Variants in NAV3 observed in about 807,000 individuals in gnomAD.
The protein encoded by NAV3 is neuron navigator 3.
In NAV3, 87 loss-of-function variants were observed where a neutral mutation model predicts 244.7. The ratio of observed to expected loss-of-function variants is 0.36; its 90% CI spans 0.30 to 0.42. NAV3 has a LOEUF of 0.42. Ranked by LOEUF, NAV3 falls within the 20% of genes least tolerant of loss-of-function variation. The pLI is 1.00. For synonymous variants in NAV3, 1,126 were observed against 1,042.2 expected (o/e 1.08, Z -1.55); for missense variants, 2,663 against 2,893.3 (o/e 0.92, Z 1.83).
chr12:77,752,522 G>A (rs142125599), intron 2 of NAV3, among the ~76,000 whole-genome samples: 1 of 152,178 alleles, frequency 6.6e-6, no homozygotes, highest in Non-Finnish European at 1.5e-5. Flanking sequence ...GGAATGCAGA[G>A]CAATCAGGAC....
rs141938411 is a variant in NAV3 at position 78,050,734 on chromosome 12, G to A, written c.2133-30G>A. 4.2e-5 allele frequency: 65 copies of A among 1,559,858 alleles called. 1 individual carries two copies. The African/African-American group carries it at 6.6e-4, about 16-fold the overall frequency. On this transcript the variant is annotated intron_variant, in intron 10 of 39. Coordinates refer to ENST00000397909, the MANE Select transcript of NAV3 (RefSeq NM_001024383.2). ...AGATTATGGCCCTAAGTGAACCAGA[G>A]TATAGTTATTTCTCCATTTTATTTG...
chr12:78,019,794 G>A (rs1451022737), intron 8 of NAV3, among the ~76,000 whole-genome samples: 2 of 152,078 alleles, frequency 1.3e-5, no homozygotes, highest in East Asian at 3.9e-4. Flanking sequence ...ACCCAACCAT[G>A]CAAGACCTTG....
rs3809153 is a variant in NAV3 at position 78,125,851 on chromosome 12, A to G, written c.4239-1316A>G. Among the ~76,000 whole-genome samples, 95 of 152,278 alleles carry G rather than the reference A, an allele frequency of 6.2e-4. No individual in the cohort carries two copies. In the East Asian group the frequency reaches 6.6e-3, roughly 11 times the overall value. On this transcript the variant is annotated intron_variant, in intron 16 of 39. Coordinates refer to ENST00000397909, the MANE Select transcript of NAV3 (RefSeq NM_001024383.2). ...CATTAAATTGCTCTTCATCATATAA[A>G]TATATAATTTTTATACAACTGGATG...
At chr12:77,894,221 C>G (rs1056288681) in intron 1 of NAV3, among the ~76,000 whole-genome samples, 1 of 152,068 alleles carries the variant, frequency 6.6e-6, no homozygotes, top group African/African-American at 2.4e-5. Context: ...GTCACCACCC[C>G]CCACCCCAGC....
At chr12:78,016,958 C>T (rs1439634733) in intron 8 of NAV3, among the ~76,000 whole-genome samples, 1 of 152,002 alleles carries the variant, frequency 6.6e-6, no homozygotes. Flanking sequence ...ACCTCAAATG[C>T]AGTAAAATAC....
chr12:77,903,364 G>C (rs896462818), intron 1 of NAV3, among the ~76,000 whole-genome samples: 3 of 152,134 alleles, frequency 2.0e-5, no homozygotes, highest in Non-Finnish European at 2.9e-5. Context: ...TCTGATCTTT[G>C]ACAAACCTGT....
At chr12:78,198,974 C>G in intron 36 of NAV3, 1 of 423,268 alleles carries the variant, frequency 2.4e-6, no homozygotes. Flanking sequence ...TTTTTCTGTT[C>G]ACTATGTCCC....
At chr12:77,896,807 G>A (rs1884678222) in intron 1 of NAV3, among the ~76,000 whole-genome samples, 1 of 152,136 alleles carries the variant, frequency 6.6e-6, no homozygotes, top group South Asian at 2.1e-4. Context: ...TTTTAGGAGA[G>A]CCAGGAAACC....
At chr12:77,782,543 A>C (rs1266731191) in intron 2 of NAV3, among the ~76,000 whole-genome samples, 1 of 150,814 alleles carries the variant, frequency 6.6e-6, no homozygotes, top group Non-Finnish European at 1.5e-5. Flanking sequence ...TCATGATGCG[A>C]CTTGTCCTGG....
At chr12:78,103,356 C>G (rs189704254) in intron 12 of NAV3, among the ~76,000 whole-genome samples, 7 of 152,328 alleles carry the variant, frequency 4.6e-5, no homozygotes, top group Admixed American at 2.0e-4. Flanking sequence ...GAGACAACCT[C>G]AGCCTGGTCC....
intron 2 of NAV3, among the ~76,000 whole-genome samples, chr12:77,704,941 AT>A (rs1875725496): frequency 6.6e-6 from 1 of 152,212 alleles, no homozygotes; most frequent in African/African-American, 2.4e-5. Flanking sequence ...GAAATAAAAG[AT>A]TTTATGATAC....
At chr12:77,680,558 A>G (rs1209894556) in intron 2 of NAV3, among the ~76,000 whole-genome samples, 1 of 152,192 alleles carries the variant, frequency 6.6e-6, no homozygotes, top group African/African-American at 2.4e-5. Context: ...CCAGTCGCCA[A>G]TGTTAGCATT....
intron 3 of NAV3, among the ~76,000 whole-genome samples, chr12:77,954,683 A>G (rs1007494413): frequency 3.3e-5 from 5 of 152,174 alleles, no homozygotes; most frequent in Admixed American, 2.6e-4. Flanking sequence ...CCCTGCTTCC[A>G]TTCTTTACAT....
intron 9 of NAV3, among the ~76,000 whole-genome samples, chr12:78,043,601 T>C (rs1566053473): frequency 6.6e-6 from 1 of 152,260 alleles, no homozygotes; most frequent in South Asian, 2.1e-4. Context: ...CTGTTGTTTC[T>C]TGACTTTTTA....
chr12:78,178,562 A>G (rs1182825399), intron 28 of NAV3, among the ~76,000 whole-genome samples: 9 of 152,116 alleles, frequency 5.9e-5, no homozygotes, highest in Admixed American at 5.9e-4. Flanking sequence ...CTACTGTACA[A>G]GAACGAACAC....
intron 5 of NAV3, among the ~76,000 whole-genome samples, chr12:77,974,612 C>T (rs1204355673): frequency 6.6e-6 from 1 of 152,040 alleles, no homozygotes; most frequent in Non-Finnish European, 1.5e-5. Context: ...TGTCAGTATT[C>T]TTGGATGTAT....
At chr12:77,816,984 A>C (rs1393242634) in intron 2 of NAV3, among the ~76,000 whole-genome samples, 1 of 152,190 alleles carries the variant, frequency 6.6e-6, no homozygotes, top group Non-Finnish European at 1.5e-5. Flanking sequence ...AATTGGGCAA[A>C]GGTGTGGCTG....
At chr12:77,578,786 C>T (rs969015421) in intron 2 of NAV3, among the ~76,000 whole-genome samples, 4 of 152,092 alleles carry the variant, frequency 2.6e-5, no homozygotes, top group Non-Finnish European at 5.9e-5. Flanking sequence ...AGAACAGCTG[C>T]TGCCATCACT....
intron 2 of NAV3, among the ~76,000 whole-genome samples, chr12:77,620,086 A>T (rs1216845320): frequency 2.0e-5 from 3 of 152,194 alleles, no homozygotes; most frequent in Non-Finnish European, 4.4e-5. Flanking sequence ...CAAGTAATAA[A>T]AATAAGTATA....
Sources: allele counts gnomAD v4.1 joint callset (sites outside exome capture counted in the v4.1 genomes callset), GRCh38; gene constraint gnomAD v4.1.1; transcripts MANE v1.5; gene names NCBI Gene and HGNC (gene_info 2026-07-23, HGNC 2026-07-21).